The following NELL2 variants were observed in gnomAD, a reference collection of about 807,000 sequenced individuals.
NELL2 encodes protein kinase C-binding protein NELL2.
A neutral mutation model predicts 109.6 loss-of-function variants in NELL2; 41 were observed. The observed-to-expected ratio is 0.37, with a 90% CI of 0.29 to 0.49. NELL2 has a LOEUF of 0.49. Ranked by LOEUF, NELL2 falls within the 20% of genes least tolerant of loss-of-function variation. NELL2 has a pLI of 0.98. For synonymous variants in NELL2, 355 were observed against 344.7 expected (o/e 1.03, Z -0.33); for missense variants, 900 against 1,008.3 (o/e 0.89, Z 1.45).
At chr12:44,578,102 T>C (rs1944178040) in intron 15 of NELL2, among the ~76,000 whole-genome samples, 1 of 152,228 alleles carries the variant, frequency 6.6e-6, no homozygotes, top group Non-Finnish European at 1.5e-5. Flanking sequence ...TAAGTATCTA[T>C]TGAAGTAAAT....
intron 9 of NELL2, among the ~76,000 whole-genome samples, chr12:44,730,075 T>A (rs181034459): frequency 6.6e-6 from 1 of 152,160 alleles, no homozygotes; most frequent in East Asian, 1.9e-4. Flanking sequence ...GACAAGAGGG[T>A]TTATATACCA....
In NELL2 at chr12:44,651,010, A is replaced by C. The variant is rs532365483; in HGVS notation, c.1444+14474T>G. Among the ~76,000 whole-genome samples the C allele has an allele frequency of 2.0e-5, 3 of 152,358 alleles. No individual in the cohort carries two copies. In the South Asian group the frequency reaches 6.2e-4, roughly 32 times the overall value. On this transcript the variant is annotated intron_variant, in intron 13 of 19. Transcript: ENST00000429094. ...TGTGGCCTGTTAGGAACTGGGCCAC[A>C]CAGCAGGAGGTGATCAGCAGGTGAA...
chr12:44,515,669 TCTGA>T (rs1166170667), intron 19 of NELL2, among the ~76,000 whole-genome samples: 1 of 151,928 alleles, frequency 6.6e-6, no homozygotes, highest in Admixed American at 6.6e-5. Context: ...TGAAACTCAG[TCTGA>T]CTACTAGGAA....
chr12:44,686,007 G>A, intron 12 of NELL2, among the ~76,000 whole-genome samples: 1 of 152,210 alleles, frequency 6.6e-6, no homozygotes, highest in Non-Finnish European at 1.5e-5. Flanking sequence ...ATCCTGCAGA[G>A]TGTTTTCCAA....
chr12:44,813,644 G>A (rs537264077), intron 3 of NELL2, among the ~76,000 whole-genome samples: 60 of 152,108 alleles, frequency 3.9e-4, no homozygotes, highest in African/African-American at 1.3e-3. Context: ...AAAATATGGC[G>A]TATCAATACA....
chr12:44,856,589 G>A (rs139027487), intron 2 of NELL2, among the ~76,000 whole-genome samples: 2 of 152,238 alleles, frequency 1.3e-5, no homozygotes, highest in East Asian at 3.9e-4. Flanking sequence ...GCATTCCAGG[G>A]CACGGTGGAC....
intron 2 of NELL2, among the ~76,000 whole-genome samples, chr12:44,852,234 T>C (rs910150887): frequency 3.9e-5 from 6 of 152,244 alleles, no homozygotes; most frequent in Non-Finnish European, 7.3e-5. Flanking sequence ...TTTCTACAGA[T>C]TCATATCTTA....
At chr12:44,733,555 A>T (rs1939482730) in intron 9 of NELL2, among the ~76,000 whole-genome samples, 1 of 151,876 alleles carries the variant, frequency 6.6e-6, no homozygotes, top group Non-Finnish European at 1.5e-5. Flanking sequence ...AGGCGCTAGG[A>T]GGAGAAGAAA....
At chr12:44,866,839 T>C (rs1945015555) in intron 2 of NELL2, among the ~76,000 whole-genome samples, 1 of 152,046 alleles carries the variant, frequency 6.6e-6, no homozygotes, top group South Asian at 2.1e-4. Flanking sequence ...GAGACTACTA[T>C]AAACAATTAT....
intron 2 of NELL2, among the ~76,000 whole-genome samples, chr12:44,867,121 C>T (rs1481662638): frequency 6.6e-6 from 1 of 152,116 alleles, no homozygotes; most frequent in Non-Finnish European, 1.5e-5. Context: ...GGAATAAATT[C>T]CAAATTTATC....
intron 13 of NELL2, among the ~76,000 whole-genome samples, chr12:44,638,979 T>G (rs1308225593): frequency 6.6e-6 from 1 of 152,224 alleles, no homozygotes; most frequent in Non-Finnish European, 1.5e-5. Flanking sequence ...CCAATACATC[T>G]AAAATATTAT....
chr12:44,733,984 A>G (rs1185348347), intron 9 of NELL2, among the ~76,000 whole-genome samples: 2 of 152,054 alleles, frequency 1.3e-5, no homozygotes, highest in Non-Finnish European at 2.9e-5. Flanking sequence ...TAAGCTGCAC[A>G]GTAGGGTATA....
chr12:44,735,969 G>A (rs142545608), intron 9 of NELL2, among the ~76,000 whole-genome samples: 86 of 139,338 alleles, frequency 6.2e-4, no homozygotes, highest in African/African-American at 2.1e-3. Context: ...TAATAAAAAT[G>A]TAAGTCAATT....
intron 15 of NELL2, among the ~76,000 whole-genome samples, chr12:44,557,653 T>C (rs1490590753): frequency 1.3e-5 from 2 of 152,166 alleles, no homozygotes; most frequent in Non-Finnish European, 2.9e-5. Context: ...TCTGGGTAAA[T>C]ATGTTGAATT....
chr12:44,799,662 T>C (rs1566424834), intron 3 of NELL2, among the ~76,000 whole-genome samples: 2 of 152,144 alleles, frequency 1.3e-5, no homozygotes, highest in Non-Finnish European at 1.5e-5. Context: ...AAGAGTTTGT[T>C]CATTTAAATA....
chr12:44,644,986 A>G (rs1947039100), intron 13 of NELL2, among the ~76,000 whole-genome samples: 1 of 152,100 alleles, frequency 6.6e-6, no homozygotes, highest in Non-Finnish European at 1.5e-5. Context: ...GAGGAGACAG[A>G]AAAGGTAATT....
chr12:44,638,668 T>G (rs1022516885), intron 13 of NELL2, among the ~76,000 whole-genome samples: 2 of 152,186 alleles, frequency 1.3e-5, no homozygotes, highest in Non-Finnish European at 2.9e-5. Context: ...GTGGGTAAAC[T>G]GACCTCTAGC....
In NELL2 at chr12:44,582,578, C is replaced by G. The variant is rs75277233; in HGVS notation, c.1663+24591G>C. Reference sequence around the variant, plus strand: ...AGATACTATGGCATATGAGATGAAACGTCAGGAAGTGGTGGCCGAAAGGTA... The same window carrying G: ...AGATACTATGGCATATGAGATGAAAGGTCAGGAAGTGGTGGCCGAAAGGTA... On this transcript the variant is annotated intron_variant, in intron 15 of 19. Transcript: ENST00000429094. Among the ~76,000 whole-genome samples the G allele has an allele frequency of 7.8e-3, 1,189 of 151,652 alleles. 12 individuals are homozygous for G. Among genetic ancestry groups the G allele is most frequent in the African/African-American group, 0.027 (1,121 of 41,304 alleles).
intron 15 of NELL2, among the ~76,000 whole-genome samples, chr12:44,583,666 T>C (rs1307189535): frequency 6.6e-6 from 1 of 152,206 alleles, no homozygotes; most frequent in African/African-American, 2.4e-5. Flanking sequence ...AAACCAACAC[T>C]AGGAAACATA....
Sources: allele counts gnomAD v4.1 joint callset (sites outside exome capture counted in the v4.1 genomes callset), GRCh38; gene constraint gnomAD v4.1.1; transcripts MANE v1.5; gene names NCBI Gene and HGNC (gene_info 2026-07-23, HGNC 2026-07-21).